Variants in TRAM1L1 observed in about 807,000 individuals in gnomAD.
The protein encoded by TRAM1L1 is translocation associated membrane protein 1 like 1, also known as translocating chain-associated membrane protein 1-like 1.
For missense variants in TRAM1L1, 451 were observed against 439.9 expected (o/e 1.03, Z -0.23); for synonymous variants, 189 against 163.6 (o/e 1.16, Z -1.18).
In TRAM1L1 at chr4:117,085,218, A is replaced by T. The variant is rs17852850; in HGVS notation, c.176T>A (p.Val59Asp). 70 of 1,613,984 alleles carry T rather than the reference A, an allele frequency of 4.3e-5. 1 individual carries two copies. The East Asian group carries it at 5.3e-4, about 12-fold the overall frequency. The change falls in exon 1 of 1, where the codon GTC becomes GAC. Residue 59 changes from valine (V) to aspartate (D), a missense_variant. By Grantham distance (152) the Val-to-Asp change is radical. Coordinates refer to ENST00000310754, the MANE Select transcript of TRAM1L1 (RefSeq NM_152402.3). ...VFLTLQHSVA[V>D]PAAEEQATGS... ...CGTGGCTTGTTCCTCTGCTGCAGGG[A>T]CAGCAACACTGTGCTGAAGAGTGAG...
At position 117,085,426 on chromosome 4, in the gene TRAM1L1, G is replaced by T. The variant is rs375093742; in HGVS notation, c.-33C>A. The T allele has an allele frequency of 2.5e-6, 4 of 1,580,384 alleles. No individual in the cohort carries two copies. In the African/African-American group the frequency reaches 5.4e-5, roughly 21 times the overall value. Reference sequence around the variant, plus strand: ...CTTCCCGGATACTCACCGGCGAGCCGCAGCTGCCTCCCCCTGGCTGCTCCT... The same window carrying T: ...CTTCCCGGATACTCACCGGCGAGCCTCAGCTGCCTCCCCCTGGCTGCTCCT... On this transcript the variant is annotated 5_prime_UTR_variant, in exon 1 of 1. Coordinates refer to ENST00000310754, the MANE Select transcript of TRAM1L1 (RefSeq NM_152402.3).
Position 117,085,034 on chromosome 4 carries a change from G to A in TRAM1L1, c.360C>T (p.Asn120=). The A allele has an allele frequency of 6.2e-7, 1 of 1,614,074 alleles. No homozygotes were observed. Among genetic ancestry groups the A allele is most frequent in the South Asian group, 1.1e-5 (1 of 91,078 alleles). Residue 120 remains asparagine (N), a synonymous_variant, in exon 1 of 1, where the codon AAC becomes AAT. Coordinates refer to ENST00000310754, the MANE Select transcript of TRAM1L1 (RefSeq NM_152402.3). The part of the protein sequence containing the change: ...QFTKAKQNKF[N]ESGQFSVFYF... ...AGAACACACTAAACTGACCAGACTC[G>A]TTAAACTTGTTTTGTTTCGCTTTGG... is the stretch of plus-strand genomic sequence containing the variant.
Position 117,085,133 on chromosome 4 carries a change from C to T in TRAM1L1, c.261G>A (p.Met87Ile). The part of the protein sequence containing the change: ...VKDLATVFFY[M>I]LVAIIIHATI... ...TGGCATGAATAATGATTGCCACCAG[C>T]ATGTAGAAGAAAACCGTGGCCAAAT... The change falls in exon 1 of 1, where the codon ATG (methionine) becomes ATA (isoleucine). Residue 87 changes from methionine (M) to isoleucine (I), a missense_variant. Physicochemically the swap from Met to Ile is conservative, Grantham distance 10. Transcript: ENST00000310754. The T allele has an allele frequency of 6.2e-7, 1 of 1,614,082 alleles. No individual in the cohort carries two copies.
In TRAM1L1 at chr4:117,084,811, G is replaced by C; in HGVS notation, c.583C>G (p.Arg195Gly). ...TGAAGACCAATGTAGACAAGTTGAC[G>C]AGGGATGTCTTGTTTTTTGGTTTTC... is the stretch of plus-strand genomic sequence containing the variant. ...FQKTKKQDIP[R>G]QLVYIGLHLF... The change falls in exon 1 of 1, where the codon CGT becomes GGT. Residue 195 changes from arginine (R) to glycine (G), a missense_variant. Physicochemically the swap from Arg to Gly is moderately radical, Grantham distance 125. Transcript: ENST00000310754. 1 of 1,614,172 alleles carries C rather than the reference G, an allele frequency of 6.2e-7. No homozygotes were observed. Among genetic ancestry groups the C allele is most frequent in the Non-Finnish European group, 8.5e-7 (1 of 1,180,026 alleles).
rs778050351 is a variant in TRAM1L1 at position 117,084,417 on chromosome 4, T to A, written c.977A>T (p.Asp326Val). 1 of 1,614,036 alleles carries A rather than the reference T, an allele frequency of 6.2e-7. No homozygotes were observed. Among genetic ancestry groups the A allele is most frequent in the East Asian group, 2.2e-5 (1 of 44,888 alleles). ...CATACATGAGGCCTGAATATTAGAA[T>A]CTTCTACCCACCTCTGAAGCCAGAG... The part of the protein sequence containing the change: ...ITLWLQRWVE[D>V]SNIQASCMKK... Residue 326 changes from aspartate (D) to valine (V), a missense_variant, in exon 1 of 1, where the codon GAT (aspartate) becomes GTT (valine). Physicochemically the swap from Asp to Val is radical, Grantham distance 152 (BLOSUM62 -3). Transcript: ENST00000310754.
In TRAM1L1 at chr4:117,085,542, T is replaced by C. The variant is rs765989544; in HGVS notation, c.-149A>G. ...TCGCAGCGGCCGCCCAGAAAAAAAA[T>C]AAATCAAAGGCGAGGGCCGAGCTGA... On this transcript the variant is annotated 5_prime_UTR_variant, in exon 1 of 1. Coordinates refer to ENST00000310754, the MANE Select transcript of TRAM1L1 (RefSeq NM_152402.3). 58 of 1,109,478 alleles carry C rather than the reference T, an allele frequency of 5.2e-5. No individual in the cohort carries two copies. The highest frequency in any genetic ancestry group is 7.1e-5 in the Non-Finnish European group (56 of 789,776). The allele number at this position is 1,109,478 out of a possible 1,614,324, so 68.7% of individuals were successfully genotyped here.
chr4:117,085,504 A>G lies in TRAM1L1; in HGVS notation c.-111T>C. On this transcript the variant is annotated 5_prime_UTR_variant, in exon 1 of 1. Coordinates refer to ENST00000310754, the MANE Select transcript of TRAM1L1 (RefSeq NM_152402.3). Reference sequence around the variant, plus strand: ...CCGGGGGCTCCACTTCCCATCCCGAAGTCAGTCCCGGGTCGCAGCGGCCGC... The same window carrying G: ...CCGGGGGCTCCACTTCCCATCCCGAGGTCAGTCCCGGGTCGCAGCGGCCGC... The G allele has an allele frequency of 6.9e-7, 1 of 1,444,710 alleles. No individual in the cohort carries two copies. The highest frequency in any genetic ancestry group is 9.3e-7 in the Non-Finnish European group (1 of 1,074,698). 89.5% of individuals were successfully genotyped at this position (1,444,710 alleles called of 1,614,324 possible). A position where few individuals can be genotyped will look rare whatever the true frequency, so the allele number is the denominator to read the frequency against.
In TRAM1L1 at chr4:117,084,229, A is replaced by C; in HGVS notation, c.*55T>G. The C allele has an allele frequency of 6.6e-7, 1 of 1,511,376 alleles. No homozygotes were observed. 93.6% of individuals were successfully genotyped at this position (1,511,376 alleles called of 1,614,324 possible). Reference sequence around the variant, plus strand: ...AAACAGAAAAATCTCTAGTGCAGAAAGAAACCTCAAAGAGCAGATTCCTTT... The same window carrying C: ...AAACAGAAAAATCTCTAGTGCAGAACGAAACCTCAAAGAGCAGATTCCTTT... On this transcript the variant is annotated 3_prime_UTR_variant, in exon 1 of 1. Transcript: ENST00000310754.
rs906609867 is a variant in TRAM1L1, at chr4:117,084,974, T to C, written c.420A>G (p.Leu140=). The change falls in exon 1 of 1, where the codon TTA becomes TTG. Residue 140 remains leucine (L), a synonymous_variant. Transcript: ENST00000310754. ...FFSCIWGTFI[L]ISENCLSDPT... ...GGTCTGACAGGCAGTTTTCAGAGAT[T>C]AAAATGAATGTGCCCCAAATACAAG... 8.1e-6 allele frequency: 13 copies of C among 1,614,074 alleles called. No homozygotes were observed. Among genetic ancestry groups the C allele is most frequent in the Non-Finnish European group, 1.1e-5 (13 of 1,180,020 alleles).
chr4:117,084,218 C>G lies in TRAM1L1; in HGVS notation c.*66G>C. 10 of 1,466,926 alleles carry G rather than the reference C, an allele frequency of 6.8e-6. No individual in the cohort carries two copies. Among genetic ancestry groups the G allele is most frequent in the Non-Finnish European group, 9.1e-6 (10 of 1,095,560 alleles). 90.9% of individuals were successfully genotyped at this position (1,466,926 alleles called of 1,614,324 possible). On this transcript the variant is annotated 3_prime_UTR_variant, in exon 1 of 1. Transcript: ENST00000310754. ...ACTATTTTCAAAAACAGAAAAATCT[C>G]TAGTGCAGAAAGAAACCTCAAAGAG...
Position 117,085,548 on chromosome 4 carries a change from A to C in TRAM1L1, c.-155T>G. 3 of 1,039,398 alleles carry C rather than the reference A, an allele frequency of 2.9e-6. No homozygotes were observed. The highest frequency in any genetic ancestry group is 4.1e-6 in the Non-Finnish European group (3 of 726,922). The allele number at this position is 1,039,398 out of a possible 1,614,324, so 64.4% of individuals were successfully genotyped here. ...CGGCCGCCCAGAAAAAAAATAAATC[A>C]AAGGCGAGGGCCGAGCTGAGCTGAG... On this transcript the variant is annotated 5_prime_UTR_variant, in exon 1 of 1. Transcript: ENST00000310754.
In TRAM1L1 at chr4:117,085,531, C is replaced by T. The variant is rs1732442347; in HGVS notation, c.-138G>A. 1.4e-5 allele frequency: 17 copies of T among 1,211,350 alleles called. No individual in the cohort carries two copies. The highest frequency in any genetic ancestry group is 1.8e-5 in the Non-Finnish European group (16 of 880,248). 75.0% of individuals were successfully genotyped at this position (1,211,350 alleles called of 1,614,324 possible). A position where few individuals can be genotyped will look rare whatever the true frequency, so the allele number is the denominator to read the frequency against. ...TCAGTCCCGGGTCGCAGCGGCCGCC[C>T]AGAAAAAAAATAAATCAAAGGCGAG... On this transcript the variant is annotated 5_prime_UTR_variant, in exon 1 of 1. Coordinates refer to ENST00000310754, the MANE Select transcript of TRAM1L1 (RefSeq NM_152402.3).
rs548978348 is a variant in TRAM1L1, at chr4:117,084,464, G to C, written c.930C>G (p.Tyr310Ter). 3 of 1,614,068 alleles carry C rather than the reference G, an allele frequency of 1.9e-6. No homozygotes were observed. Among genetic ancestry groups the C allele is most frequent in the South Asian group, 1.1e-5 (1 of 91,082 alleles). ...AGAGAGTAATTAAGTTCCATGTTAC[G>C]TAGGCTTGGATCGTGCAACTGGACG... is the stretch of plus-strand genomic sequence containing the variant. ...VLSSSCTIQAYVTWNLITLWL... is the reference protein window; with the variant it reads ...VLSSSCTIQA Residue 310 changes from tyrosine to a stop codon, truncating the protein, a stop_gained, in exon 1 of 1, where the codon TAC (tyrosine) becomes TAG (stop). Transcript: ENST00000310754. LOFTEE classifies it low-confidence loss of function (END_TRUNC).
rs748595691 is a variant in TRAM1L1 at position 117,085,201 on chromosome 4, G to C, written c.193C>G (p.Gln65Glu). The C allele has an allele frequency of 1.6e-5, 26 of 1,614,136 alleles. No homozygotes were observed. Among genetic ancestry groups the C allele is most frequent in the Non-Finnish European group, 2.2e-5 (26 of 1,180,020 alleles). The change falls in exon 1 of 1, where the codon CAA becomes GAA. Residue 65 changes from glutamine (Q) to glutamate (E), a missense_variant. Physicochemically the swap from Gln to Glu is conservative, Grantham distance 29 (BLOSUM62 2). Coordinates refer to ENST00000310754, the MANE Select transcript of TRAM1L1 (RefSeq NM_152402.3). Reference sequence around the variant, plus strand: ...TAGAGGGACTTTGAGCCCGTGGCTTGTTCCTCTGCTGCAGGGACAGCAACA... The same window carrying C: ...TAGAGGGACTTTGAGCCCGTGGCTTCTTCCTCTGCTGCAGGGACAGCAACA... ...HSVAVPAAEE[Q>E]ATGSKSLYYY...
rs764662256 is a variant in TRAM1L1, at chr4:117,084,886, TG to T, written c.507del (p.Tyr169Ter). The T allele has an allele frequency of 2.5e-6, 4 of 1,614,000 alleles. No homozygotes were observed. The highest frequency in any genetic ancestry group is 3.3e-5 in the Admixed American group (2 of 60,006). ...TGAAACCAGTAAGCCAACTGGGATA[TG>T]TAGAAAAACTTCATTTGAAATGTCA... ...SMMTFQMKFF[Y>X]ISQLAYWFHA... is the part of the protein sequence containing the mutation. On this transcript the variant is annotated frameshift_variant, in exon 1 of 1. Coordinates refer to ENST00000310754, the MANE Select transcript of TRAM1L1 (RefSeq NM_152402.3). LOFTEE classifies it low-confidence loss of function (END_TRUNC).
In TRAM1L1 at chr4:117,085,174, A is replaced by G. The variant is rs1247808752; in HGVS notation, c.220T>C (p.Tyr74His). 1 of 1,614,070 alleles carries G rather than the reference A, an allele frequency of 6.2e-7. No individual in the cohort carries two copies. Among genetic ancestry groups the G allele is most frequent in the East Asian group, 2.2e-5 (1 of 44,856 alleles). Residue 74 changes from tyrosine (Y) to histidine (H), a missense_variant, in exon 1 of 1, where the codon TAT becomes CAT. Physicochemically the swap from Tyr to His is moderately conservative, Grantham distance 83. Transcript: ENST00000310754. ...GTGGCCAAATCTTTGACACCATAAT[A>G]ATAGAGGGACTTTGAGCCCGTGGCT... ...EQATGSKSLY[Y>H]YGVKDLATVF...
rs992203106 is a variant in TRAM1L1 at position 117,085,165 on chromosome 4, C to T, written c.229G>A (p.Val77Ile). Residue 77 changes from valine (V) to isoleucine (I), a missense_variant, in exon 1 of 1, where the codon GTC becomes ATC. Physicochemically the swap from Val to Ile is conservative, Grantham distance 29. Coordinates refer to ENST00000310754, the MANE Select transcript of TRAM1L1 (RefSeq NM_152402.3). ...AAGAAAACCGTGGCCAAATCTTTGACACCATAATAATAGAGGGACTTTGAG... is the reference window on the plus strand; with the variant it reads ...AAGAAAACCGTGGCCAAATCTTTGATACCATAATAATAGAGGGACTTTGAG... Reference protein sequence around the residue: ...TGSKSLYYYGVKDLATVFFYM... With the variant: ...TGSKSLYYYGIKDLATVFFYM... 2.5e-6 allele frequency: 4 copies of T among 1,614,092 alleles called. No individual in the cohort carries two copies. The highest frequency in any genetic ancestry group is 1.1e-5 in the South Asian group (1 of 91,076).
In TRAM1L1 at chr4:117,085,472, A is replaced by G. The variant is rs1236458057; in HGVS notation, c.-79T>C. The G allele has an allele frequency of 6.5e-7, 1 of 1,536,572 alleles. No homozygotes were observed. The highest frequency in any genetic ancestry group is 8.8e-7 in the Non-Finnish European group (1 of 1,139,148). On this transcript the variant is annotated 5_prime_UTR_variant, in exon 1 of 1. Coordinates refer to ENST00000310754, the MANE Select transcript of TRAM1L1 (RefSeq NM_152402.3). ...CTCCTCACAGCGCCGCCGCCACGGT[A>G]GCAGCTCCGGGGGCTCCACTTCCCA...
Position 117,084,273 on chromosome 4 carries a change from G to T in TRAM1L1, c.*11C>A, listed in dbSNP as rs370726284. The T allele has an allele frequency of 3.8e-6, 6 of 1,590,636 alleles. No individual in the cohort carries two copies. Among genetic ancestry groups the T allele is most frequent in the Non-Finnish European group, 5.1e-6 (6 of 1,170,730 alleles). ...TTCCTTTGCAGACATTAATCAATGC[G>T]CTTGCAAAGATTATGAAGATTTCTC... On this transcript the variant is annotated 3_prime_UTR_variant, in exon 1 of 1. Transcript: ENST00000310754.
Sources: gnomAD v4.1 joint callset for allele counts on GRCh38, gnomAD v4.1.1 for gene constraint, MANE v1.5 for transcripts, NCBI Gene and HGNC (gene_info 2026-07-23, HGNC 2026-07-21) for gene names.